The following PCCA variants were observed in gnomAD, a reference collection of about 807,000 sequenced individuals.
PCCA encodes the protein propionyl-CoA carboxylase subunit alpha.
A neutral mutation model predicts 101.3 loss-of-function variants in PCCA; 74 were observed. The observed-to-expected ratio is 0.73, with a 90% confidence interval of 0.61 to 0.89. The LOEUF (loss-of-function observed/expected upper bound fraction) is 0.89, where lower values mean the gene tolerates loss of function less well. Among genes scored for constraint, PCCA ranks in the 40% least tolerant of loss-of-function variants. PCCA has a pLI of 0.00. For missense variants in PCCA, 891 were observed against 907.0 expected, an observed-to-expected ratio of 0.98 and a Z score of 0.23; for synonymous variants, 294 against 313.6, an observed-to-expected ratio of 0.94 and a Z score of 0.66.
At chr13:100,204,377 C>A (rs924736925) in intron 6 of PCCA, among the ~76,000 whole-genome samples, 1 of 152,172 alleles carries the variant, frequency 6.6e-6, no homozygotes, top group Non-Finnish European at 1.5e-5. Flanking sequence ...TGAGCTCGTG[C>A]AGCTCACCTG....
chr13:100,465,334 T>A (rs533857908), intron 21 of PCCA, among the ~76,000 whole-genome samples: 2 of 152,328 alleles, frequency 1.3e-5, no homozygotes, highest in South Asian at 4.1e-4. Context: ...GGAGCAGTGT[T>A]CTGGATCCTT....
chr13:100,452,142 C>G (rs556636114), intron 21 of PCCA, among the ~76,000 whole-genome samples: 3 of 139,520 alleles, frequency 2.2e-5, no homozygotes, highest in African/African-American at 8.1e-5. Flanking sequence ...TCTCTCTCCT[C>G]TTCTTCCTCT....
rs2062813451 is a variant in PCCA at position 100,264,672 on chromosome 13, A to G, written c.819+1841A>G. 2.6e-5 allele frequency among the ~76,000 whole-genome samples: 4 copies of G among 152,158 alleles called. No homozygotes were observed. In the South Asian group the frequency reaches 8.3e-4, roughly 31 times the overall value. On this transcript the variant is annotated intron_variant, in intron 10 of 23. Transcript: ENST00000376285. ...GGTTTTTAGTTTCTTTATATTAGAA[A>G]TAAATTGCTGTGTCTTTTTATGAAC...
At chr13:100,091,299 C>T (rs75712192) in intron 1 of PCCA, among the ~76,000 whole-genome samples, 185 of 152,364 alleles carry the variant, frequency 1.2e-3, no homozygotes, top group Non-Finnish European at 2.2e-3. Flanking sequence ...TATACACTTA[C>T]TGTGTAATAC....
chr13:100,306,160 G>A (rs2066430342), intron 14 of PCCA, among the ~76,000 whole-genome samples: 1 of 152,222 alleles, frequency 6.6e-6, no homozygotes, highest in African/African-American at 2.4e-5. Context: ...CAGCCGCTGT[G>A]TTGACCTTTT....
rs559694124 is a variant in PCCA at position 100,199,971 on chromosome 13, C to G, written c.469-9361C>G. Among the ~76,000 whole-genome samples the G allele has an allele frequency of 2.6e-5, 4 of 152,210 alleles. No homozygotes were observed. In the South Asian group the frequency reaches 8.3e-4, roughly 32 times the overall value. On this transcript the variant is annotated intron_variant, in intron 6 of 23. Transcript: ENST00000376285. ...GAAGTCAAGTTGTTCCTCTTTGGTC[C>G]GTGGGGCTTAAGTTGACTCACGGGT...
intron 18 of PCCA, among the ~76,000 whole-genome samples, chr13:100,351,964 TG>T (rs1415906630): frequency 1.3e-5 from 2 of 152,122 alleles, no homozygotes; most frequent in African/African-American, 4.8e-5. Flanking sequence ...CTTGGAAGCA[TG>T]GTTCAAATTG....
chr13:100,217,581 G>A (rs1197677368), intron 7 of PCCA, among the ~76,000 whole-genome samples: 2 of 152,090 alleles, frequency 1.3e-5, no homozygotes, highest in Admixed American at 6.5e-5. Context: ...GTGTGTGTGT[G>A]TGTGTGGCTG....
chr13:100,419,955 A>G (rs2078638290), intron 19 of PCCA, among the ~76,000 whole-genome samples: 1 of 152,236 alleles, frequency 6.6e-6, no homozygotes, highest in African/African-American at 2.4e-5. Context: ...GCTGCTAAAC[A>G]CCTCTAGCGT....
At chr13:100,212,905 T>C (rs537155738) in intron 7 of PCCA, among the ~76,000 whole-genome samples, 3 of 151,806 alleles carry the variant, frequency 2.0e-5, no homozygotes, top group Non-Finnish European at 4.4e-5. Flanking sequence ...TCCCAGCCTC[T>C]GGCAATCATC....
chr13:100,519,993 T>C (rs948201915), intron 22 of PCCA, among the ~76,000 whole-genome samples: 1 of 152,226 alleles, frequency 6.6e-6, no homozygotes, highest in African/African-American at 2.4e-5. Flanking sequence ...TTTATAGCAA[T>C]AGTTATTCAA....
At chr13:100,428,745 G>A (rs1006498709) in intron 20 of PCCA, among the ~76,000 whole-genome samples, 1 of 152,072 alleles carries the variant, frequency 6.6e-6, no homozygotes, top group East Asian at 1.9e-4. Flanking sequence ...AAGCCCCCAG[G>A]TAATGCTGCT....
intron 21 of PCCA, among the ~76,000 whole-genome samples, chr13:100,487,087 A>C (rs554365685): frequency 6.6e-6 from 1 of 152,352 alleles, no homozygotes; most frequent in Non-Finnish European, 1.5e-5. Flanking sequence ...ACCAAGGTAA[A>C]GGAGTTGTGC....
At chr13:100,122,243 G>T (rs981008196) in intron 4 of PCCA, among the ~76,000 whole-genome samples, 5 of 152,152 alleles carry the variant, frequency 3.3e-5, no homozygotes, top group Admixed American at 6.5e-5. Flanking sequence ...TATATTGCTG[G>T]ATTCAGTTTG....
intron 11 of PCCA, among the ~76,000 whole-genome samples, chr13:100,272,889 A>G (rs1352779876): frequency 6.6e-6 from 1 of 152,226 alleles, no homozygotes; most frequent in Non-Finnish European, 1.5e-5. Flanking sequence ...GCAATTCTGA[A>G]TATATATGTT....
chr13:100,526,967 G>A (rs558059065), intron 22 of PCCA, among the ~76,000 whole-genome samples: 7 of 152,352 alleles, frequency 4.6e-5, no homozygotes, highest in Admixed American at 1.3e-4. Context: ...AGGGTTTTCC[G>A]GAAGCTGCCT....
chr13:100,147,483 T>A (rs1265737262), intron 4 of PCCA, among the ~76,000 whole-genome samples: 2 of 152,234 alleles, frequency 1.3e-5, no homozygotes, highest in Non-Finnish European at 2.9e-5. Flanking sequence ...GCATTAGCTG[T>A]TCATATGGTT....
At chr13:100,177,906 CT>C (rs571616005) in intron 6 of PCCA, among the ~76,000 whole-genome samples, 14 of 149,182 alleles carry the variant, frequency 9.4e-5, no homozygotes, top group East Asian at 5.9e-4. Flanking sequence ...TGAAGGAGAT[CT>C]TTTTTTTTTG....
intron 6 of PCCA, among the ~76,000 whole-genome samples, chr13:100,186,477 T>C (rs1490041921): frequency 1.3e-5 from 2 of 152,092 alleles, no homozygotes; most frequent in African/African-American, 4.8e-5. Context: ...GCGTGGTGGC[T>C]CATGCCTGTA....
Sources: allele counts gnomAD v4.1 joint callset (sites outside exome capture counted in the v4.1 genomes callset), GRCh38; gene constraint gnomAD v4.1.1; transcripts MANE v1.5; gene names NCBI Gene and HGNC (gene_info 2026-07-23, HGNC 2026-07-21).